Variants in SGCZ observed in about 807,000 individuals in gnomAD.
SGCZ encodes sarcoglycan zeta, also known as zeta-sarcoglycan.
SGCZ carries 40 observed loss-of-function variants against 41.3 expected under a neutral mutation model. The ratio of observed to expected loss-of-function variants is 0.97; its 90% CI spans 0.75 to 1.26. The LOEUF (loss-of-function observed/expected upper bound fraction) is 1.26, where lower values mean the gene tolerates loss of function less well. Among genes scored for constraint, SGCZ ranks in the 50% most tolerant of loss-of-function variants. SGCZ has a pLI of 0.00. For missense variants in SGCZ, 552 were observed against 369.8 expected, an observed-to-expected ratio of 1.49 and a Z score of -4.04; for synonymous variants, 206 against 137.5, an observed-to-expected ratio of 1.50 and a Z score of -3.49.
At chr8:14,296,122 T>A (rs1585331542) in intron 3 of SGCZ, among the ~76,000 whole-genome samples, 1 of 152,122 alleles carries the variant, frequency 6.6e-6, no homozygotes, top group African/African-American at 2.4e-5. Flanking sequence ...GTTGTAGGCT[T>A]GGCCTAAATA....
intron 4 of SGCZ, among the ~76,000 whole-genome samples, chr8:14,206,753 G>C (rs537084432): frequency 6.6e-6 from 1 of 152,160 alleles, no homozygotes. Flanking sequence ...ATTACCTGCT[G>C]TTAGGAATGG....
At chr8:14,417,576 A>G (rs891960268) in intron 2 of SGCZ, among the ~76,000 whole-genome samples, 1 of 151,864 alleles carries the variant, frequency 6.6e-6, no homozygotes, top group Non-Finnish European at 1.5e-5. Flanking sequence ...CGTTTCTTAC[A>G]TTCTAAAATT....
rs138052025 is a variant in SGCZ at position 14,502,504 on chromosome 8, C to T, written c.234+52228G>A. On this transcript the variant is annotated intron_variant, in intron 2 of 7. Coordinates refer to ENST00000382080, the MANE Select transcript of SGCZ (RefSeq NM_139167.4). ...AATATATTCATGTTATAAACAATGA[C>T]ACTTTTAAAGTATACTGCTAATAAT... Among the ~76,000 whole-genome samples, 403 of 152,112 alleles carry T rather than the reference C, an allele frequency of 2.6e-3. 4 individuals carry two copies. Among genetic ancestry groups the T allele is most frequent in the African/African-American group, 9.0e-3 (374 of 41,536 alleles).
intron 3 of SGCZ, among the ~76,000 whole-genome samples, chr8:14,273,679 T>G (rs974963554): frequency 6.6e-6 from 1 of 152,162 alleles, no homozygotes. Context: ...TTTAAACTAC[T>G]GCTATGATGT....
intron 1 of SGCZ, among the ~76,000 whole-genome samples, chr8:14,821,459 C>A (rs936023115): frequency 6.6e-6 from 1 of 151,952 alleles, no homozygotes; most frequent in African/African-American, 2.4e-5. Context: ...AACTTCCAAA[C>A]TCTTTATGAG....
rs148519698 is a variant in SGCZ at position 14,313,910 on chromosome 8, C to CTCTGTG, written c.336+10192_336+10193insCACAGA. 6.1e-3 allele frequency among the ~76,000 whole-genome samples: 888 copies of CTCTGTG among 144,884 alleles called. 3 individuals are homozygous for CTCTGTG. Among genetic ancestry groups the CTCTGTG allele is most frequent in the Non-Finnish European group, 9.4e-3 (614 of 65,640 alleles). ...AAAAGTATAGGGTTATATCATCTCT[C>CTCTGTG]TGTGTGTGTGTGTGTGTGTGTGTGT... On this transcript the variant is annotated intron_variant, in intron 3 of 7. Transcript: ENST00000382080.
intron 3 of SGCZ, among the ~76,000 whole-genome samples, chr8:14,250,349 C>T (rs1799242981): frequency 6.6e-6 from 1 of 152,114 alleles, no homozygotes; most frequent in African/African-American, 2.4e-5. Flanking sequence ...CCCCAATTTC[C>T]ATGGGAAAGA....
intron 2 of SGCZ, among the ~76,000 whole-genome samples, chr8:14,550,410 CAGGAA>C (rs1470657841): frequency 6.7e-6 from 1 of 150,362 alleles, no homozygotes; most frequent in African/African-American, 2.4e-5. Context: ...TAAATAAAAG[CAGGAA>C]AAGTATTCAG....
At chr8:14,519,146 C>G (rs1209365081) in intron 2 of SGCZ, among the ~76,000 whole-genome samples, 1 of 150,130 alleles carries the variant, frequency 6.7e-6, no homozygotes, top group Non-Finnish European at 1.5e-5. Context: ...GTTACTAGAT[C>G]AATTAAGCAC....
intron 1 of SGCZ, among the ~76,000 whole-genome samples, chr8:14,642,403 T>C (rs1807056986): frequency 6.6e-6 from 1 of 151,586 alleles, no homozygotes; most frequent in Non-Finnish European, 1.5e-5. Context: ...TAGACAAATC[T>C]CTTTCCTTAT....
intron 3 of SGCZ, among the ~76,000 whole-genome samples, chr8:14,301,103 C>G (rs987860727): frequency 7.1e-6 from 1 of 140,348 alleles, no homozygotes; most frequent in Non-Finnish European, 1.6e-5. Context: ...CATCAATTAT[C>G]CCTATCCTCT....
rs571815515 is a variant in SGCZ at position 14,706,329 on chromosome 8, A to G, written c.40-151403T>C. 3.3e-4 allele frequency among the ~76,000 whole-genome samples: 46 copies of G among 141,042 alleles called. No individual in the cohort carries two copies. The Middle Eastern group carries it at 0.011, about 32-fold the overall frequency. The allele number at this position is 141,042 out of a possible 152,430, so 92.5% of individuals were successfully genotyped here. ...CTCACTATTGGGATTCTTTTTGACA[A>G]TTGTGTTTTATGTGAAATCTCTATG... is the stretch of plus-strand genomic sequence containing the variant. On this transcript the variant is annotated intron_variant, in intron 1 of 7. Transcript: ENST00000382080.
rs115340847 is a variant in SGCZ, at chr8:15,237,756, G to T, written c.-133C>A. ...GCAGCTCCTCTCAGTCTCATTCTCC[G>T]TGGTCACGCCGCCTCCACCGGGTTA... is the stretch of plus-strand genomic sequence containing the variant. On this transcript the variant is annotated 5_prime_UTR_variant, in exon 1 of 8. Coordinates refer to ENST00000382080, the MANE Select transcript of SGCZ (RefSeq NM_139167.4). 23 of 806,556 alleles carry T rather than the reference G, an allele frequency of 2.9e-5. No homozygotes were observed. The African/African-American group carries it at 3.6e-4, about 13-fold the overall frequency. 50.0% of individuals were successfully genotyped at this position (806,556 alleles called of 1,614,324 possible).
chr8:14,277,848 C>T (rs1456713925), intron 3 of SGCZ, among the ~76,000 whole-genome samples: 1 of 151,924 alleles, frequency 6.6e-6, no homozygotes, highest in Non-Finnish European at 1.5e-5. Flanking sequence ...CTTAAAATCC[C>T]CCCTTTAGGA....
chr8:14,964,909 GA>G (rs1801083039), intron 1 of SGCZ, among the ~76,000 whole-genome samples: 1 of 152,086 alleles, frequency 6.6e-6, no homozygotes, highest in Non-Finnish European at 1.5e-5. Flanking sequence ...AGCATCTTTT[GA>G]ACTGACTGAA....
chr8:14,547,105 A>G (rs1023466320), intron 2 of SGCZ, among the ~76,000 whole-genome samples: 1 of 152,160 alleles, frequency 6.6e-6, no homozygotes, highest in African/African-American at 2.4e-5. Flanking sequence ...CCTGAACGTT[A>G]TAATTCAGGG....
intron 1 of SGCZ, among the ~76,000 whole-genome samples, chr8:14,596,885 A>T (rs896833035): frequency 2.7e-4 from 41 of 152,174 alleles, no homozygotes; most frequent in African/African-American, 9.7e-4. Flanking sequence ...AATATATTCC[A>T]TGTGTTTCTG....
In SGCZ at chr8:14,559,110, G is replaced by C. The variant is rs150401446; in HGVS notation, c.40-4184C>G. 6.7e-3 allele frequency among the ~76,000 whole-genome samples: 1,022 copies of C among 152,120 alleles called. 13 individuals carry two copies. Among genetic ancestry groups the C allele is most frequent in the African/African-American group, 0.023 (970 of 41,496 alleles). On this transcript the variant is annotated intron_variant, in intron 1 of 7. Coordinates refer to ENST00000382080, the MANE Select transcript of SGCZ (RefSeq NM_139167.4). ...CCTCTCACCACTCCTCTTCAACATA[G>C]TACTAGAAGTCCTAGTCAGAGCAAT...
chr8:14,996,171 G>A (rs1161707850), intron 1 of SGCZ, among the ~76,000 whole-genome samples: 7 of 152,090 alleles, frequency 4.6e-5, no homozygotes, highest in Non-Finnish European at 1.5e-5. Context: ...CCAAAGCACT[G>A]GGATTACAGG....
Sources: allele counts gnomAD v4.1 joint callset (sites outside exome capture counted in the v4.1 genomes callset), GRCh38; gene constraint gnomAD v4.1.1; transcripts MANE v1.5; gene names NCBI Gene and HGNC (gene_info 2026-07-23, HGNC 2026-07-21).